Variants in AMOTL1 observed in about 807,000 individuals in gnomAD.
AMOTL1 encodes the protein angiomotin like 1, also known as angiomotin-like protein 1.
A neutral mutation model predicts 102.9 loss-of-function variants in AMOTL1; 45 were observed. The ratio of observed to expected loss-of-function variants is 0.44; its 90% CI spans 0.34 to 0.56. The LOEUF (loss-of-function observed/expected upper bound fraction) is 0.56. AMOTL1 is among the 20% of genes least tolerant of loss of function. The pLI is 0.01. For synonymous variants in AMOTL1, 481 were observed against 484.7 expected, an observed-to-expected ratio of 0.99 and a Z score of 0.10; for missense variants, 1,114 against 1,225.6, an observed-to-expected ratio of 0.91 and a Z score of 1.36.
At chr11:94,730,610 C>T (rs925107920) in intron 2 of AMOTL1, among the ~76,000 whole-genome samples, 4 of 152,060 alleles carry the variant, frequency 2.6e-5, no homozygotes, top group African/African-American at 9.7e-5. Context: ...ATCTTTGTAC[C>T]CCTTTCACTG....
intron 1 of AMOTL1, among the ~76,000 whole-genome samples, chr11:94,723,292 G>A (rs996000011): frequency 5.9e-5 from 9 of 152,120 alleles, no homozygotes; most frequent in African/African-American, 2.2e-4. Context: ...ATAAAAAGCT[G>A]TGAGAAGCAC....
Position 94,800,082 on chromosome 11 carries a change from C to G in AMOTL1, c.892C>G (p.Gln298Glu). 1 of 1,613,930 alleles carries G rather than the reference C, an allele frequency of 6.2e-7. No homozygotes were observed. Residue 298 changes from glutamine (Q) to glutamate (E), a missense_variant, in exon 3 of 13, where the codon CAG becomes GAG. Coordinates refer to ENST00000433060, the MANE Select transcript of AMOTL1 (RefSeq NM_130847.3). ...AGTAGGAGGGGGGCCCTCCCCTGCC[C>G]AGCCTGCAGGTAAAGTGCTGGACCC... The part of the protein sequence containing the change: ...FKVGGGPSPA[Q>E]PAGKVLDPRG...
chr11:94,755,876 T>G (rs375074324), intron 3 of AMOTL1, among the ~76,000 whole-genome samples: 10 of 152,354 alleles, frequency 6.6e-5, no homozygotes, highest in African/African-American at 2.4e-4. Flanking sequence ...TTAGACCCTC[T>G]GCCTTATCCC....
At chr11:94,739,598 A>T (rs1950487354) in intron 2 of AMOTL1, among the ~76,000 whole-genome samples, 1 of 152,156 alleles carries the variant, frequency 6.6e-6, no homozygotes, top group Non-Finnish European at 1.5e-5. Context: ...TGGTGCTCTG[A>T]TCACTTTGAG....
At chr11:94,737,120 C>T (rs750571639) in intron 2 of AMOTL1, among the ~76,000 whole-genome samples, 22 of 152,142 alleles carry the variant, frequency 1.4e-4, no homozygotes, top group Non-Finnish European at 2.6e-4. Context: ...TCCTAGTTTA[C>T]AAGTCATCCA....
intron 8 of AMOTL1, among the ~76,000 whole-genome samples, chr11:94,858,104 T>C (rs535438769): frequency 7.2e-5 from 11 of 152,266 alleles, no homozygotes; most frequent in Middle Eastern, 6.8e-3. Flanking sequence ...GGGATTTAGA[T>C]AGAAACTGAC....
chr11:94,845,899 C>T (rs539382246), intron 6 of AMOTL1, among the ~76,000 whole-genome samples: 2 of 152,290 alleles, frequency 1.3e-5, no homozygotes, highest in African/African-American at 4.8e-5. Flanking sequence ...GTCAACTTGC[C>T]TGTTCTAGGA....
At chr11:94,709,870 C>G (rs901977166) in intron 1 of AMOTL1, among the ~76,000 whole-genome samples, 5 of 152,072 alleles carry the variant, frequency 3.3e-5, no homozygotes, top group Admixed American at 1.3e-4. Flanking sequence ...AGATCAAGCC[C>G]CTGAGATGGT....
intron 4 of AMOTL1, among the ~76,000 whole-genome samples, chr11:94,825,156 C>T (rs948306565): frequency 3.3e-5 from 5 of 152,170 alleles, no homozygotes; most frequent in Non-Finnish European, 2.9e-5. Flanking sequence ...TCTACCAGGG[C>T]CAGACTGTGG....
rs1953098579 is a variant in AMOTL1 at position 94,876,559 on chromosome 11, GT to G, written c.*5765del. On this transcript the variant is annotated 3_prime_UTR_variant, in exon 13 of 13. Coordinates refer to ENST00000433060, the MANE Select transcript of AMOTL1 (RefSeq NM_130847.3). ...TGTGGGGATTCCAAGAACACTGCCT[GT>G]CCCCCACAGCAAATATTGATGCTGT... 1.3e-5 allele frequency: 2 copies of G among 152,636 alleles called. No individual in the cohort carries two copies. The highest frequency in any genetic ancestry group is 4.1e-4 in the South Asian group (2 of 4,830). The allele number at this position is 152,636 out of a possible 1,614,324, so 9.5% of individuals were successfully genotyped here. A position where few individuals can be genotyped will look rare whatever the true frequency, so the allele number is the denominator to read the frequency against.
intron 1 of AMOTL1, among the ~76,000 whole-genome samples, chr11:94,772,082 G>A (rs1014570239): frequency 6.6e-6 from 1 of 152,166 alleles, no homozygotes; most frequent in Non-Finnish European, 1.5e-5. Context: ...TGCAAAAATA[G>A]TAGAGAGGTC....
intron 1 of AMOTL1, among the ~76,000 whole-genome samples, chr11:94,725,188 G>A (rs1308367159): frequency 6.6e-6 from 1 of 152,098 alleles, no homozygotes; most frequent in African/African-American, 2.4e-5. Context: ...GAGTGGCAGG[G>A]ACTCCAGTGG....
intron 1 of AMOTL1, among the ~76,000 whole-genome samples, chr11:94,781,284 G>A (rs866505870): frequency 1.3e-5 from 2 of 152,204 alleles, no homozygotes; most frequent in Admixed American, 6.5e-5. Context: ...GACTAATAGA[G>A]TTCAAGCAGT....
chr11:94,779,449 A>AAAACTTTGCTT (rs1349260417), intron 1 of AMOTL1, among the ~76,000 whole-genome samples: 1 of 152,214 alleles, frequency 6.6e-6, no homozygotes, highest in Non-Finnish European at 1.5e-5. Flanking sequence ...TTCCAAGAAG[A>AAAACTTTGCTT]TGCTTTGCTT....
Position 94,809,063 on chromosome 11 carries a change from C to T in AMOTL1, c.1121+8752C>T, listed in dbSNP as rs913964728. ...TCAGCTCACTGCAACCTCTGCCTCC[C>T]GGGTTCAAGTGATTCTCCTACCTCA... On this transcript the variant is annotated intron_variant, in intron 3 of 12. Transcript: ENST00000433060. Among the ~76,000 whole-genome samples, 10 of 150,848 alleles carry T rather than the reference C, an allele frequency of 6.6e-5. 1 individual carries two copies. Among genetic ancestry groups the T allele is most frequent in the South Asian group, 2.1e-4 (1 of 4,746 alleles).
At chr11:94,790,777 C>T (rs1951271008) in intron 1 of AMOTL1, among the ~76,000 whole-genome samples, 2 of 152,142 alleles carry the variant, frequency 1.3e-5, no homozygotes, top group Non-Finnish European at 2.9e-5. Context: ...GTTTCACGTC[C>T]TCCAGGGTTT....
At chr11:94,840,681 T>TATATACAC (rs1166713705) in intron 6 of AMOTL1, among the ~76,000 whole-genome samples, 9 of 104,810 alleles carry the variant, frequency 8.6e-5, no homozygotes, top group African/African-American at 3.2e-4. Context: ...TATATATATA[T>TATATACAC]ACACACACAC....
chr11:94,813,258 C>A (rs1951712813), intron 3 of AMOTL1, among the ~76,000 whole-genome samples: 1 of 152,196 alleles, frequency 6.6e-6, no homozygotes, highest in Non-Finnish European at 1.5e-5. Flanking sequence ...CGCAGACCTT[C>A]ATAGAGATGG....
chr11:94,763,247 C>T (rs891204272), intron 3 of AMOTL1, among the ~76,000 whole-genome samples: 29 of 152,264 alleles, frequency 1.9e-4, no homozygotes, highest in Middle Eastern at 3.4e-3. Flanking sequence ...ACCATCTGGT[C>T]CTGACAAAGG....
Sources: gnomAD v4.1 joint callset for allele counts (sites outside exome capture counted in the v4.1 genomes callset) on GRCh38, gnomAD v4.1.1 for gene constraint, MANE v1.5 for transcripts, NCBI Gene and HGNC (gene_info 2026-07-23, HGNC 2026-07-21) for gene names.